The following NMNAT3 variants were observed in gnomAD, a reference collection of about 807,000 sequenced individuals.
NMNAT3 encodes nicotinamide/nicotinic acid mononucleotide adenylyltransferase 3.
Under a neutral mutation model 24.8 loss-of-function variants are expected in NMNAT3, and 21 were observed. The observed-to-expected ratio is 0.85, with a 90% CI of 0.60 to 1.22. The LOEUF (loss-of-function observed/expected upper bound fraction) is 1.22. NMNAT3 is among the 50% of genes most tolerant of loss of function. NMNAT3 has a pLI of 0.00. For synonymous variants in NMNAT3, 136 were observed against 155.2 expected (o/e 0.88, Z 0.92); for missense variants, 387 against 436.6 (o/e 0.89, Z 1.01).
intron 1 of NMNAT3, among the ~76,000 whole-genome samples, chr3:139,649,434 A>G (rs1284805176): frequency 6.6e-6 from 1 of 152,246 alleles, no homozygotes; most frequent in African/African-American, 2.4e-5. Flanking sequence ...GTAAGTAGCC[A>G]AAGTCTGAGG....
At chr3:139,563,079 C>T (rs577738091) in intron 6 of NMNAT3, among the ~76,000 whole-genome samples, 1 of 152,340 alleles carries the variant, frequency 6.6e-6, no homozygotes, top group Admixed American at 6.5e-5. Flanking sequence ...TTATCTACCA[C>T]TCTATTCATA....
At chr3:139,561,743 TAGAAGGTAAGGTTCTGA>T (rs1936430034) in intron 6 of NMNAT3, among the ~76,000 whole-genome samples, 2 of 152,156 alleles carry the variant, frequency 1.3e-5, no homozygotes, top group African/African-American at 4.8e-5. Flanking sequence ...TGTCTTCTGA[TAGAAGGTAAGGTTCTGA>T]AAGCTCTGAG....
At chr3:139,641,699 T>C (rs988364886) in intron 1 of NMNAT3, among the ~76,000 whole-genome samples, 4 of 152,152 alleles carry the variant, frequency 2.6e-5, no homozygotes, top group Non-Finnish European at 5.9e-5. Flanking sequence ...ACTCAATAAA[T>C]AAAATAATAA....
At chr3:139,582,254 G>A (rs1395198568) in intron 4 of NMNAT3, among the ~76,000 whole-genome samples, 1 of 133,856 alleles carries the variant, frequency 7.5e-6, no homozygotes, top group Admixed American at 7.4e-5. Flanking sequence ...CAAAAGAGAA[G>A]ATCTAACTTC....
chr3:139,619,264 A>G (rs2055651041), intron 3 of NMNAT3, among the ~76,000 whole-genome samples: 1 of 152,188 alleles, frequency 6.6e-6, no homozygotes, highest in African/African-American at 2.4e-5. Flanking sequence ...CCCAATGTAC[A>G]ACACTAACAT....
intron 1 of NMNAT3, among the ~76,000 whole-genome samples, chr3:139,648,065 T>A (rs75674901): frequency 2.0e-5 from 3 of 152,172 alleles, no homozygotes; most frequent in African/African-American, 7.2e-5. Flanking sequence ...CCCACCCACA[T>A]CTTATCTTGA....
At chr3:139,570,241 C>T (rs1937967066) in intron 6 of NMNAT3, 2 of 152,132 alleles carry the variant, frequency 1.3e-5, no homozygotes, top group South Asian at 2.1e-4. Flanking sequence ...GTTATCCATT[C>T]GTCTAAATTT....
At chr3:139,605,040 A>G (rs143723550) in intron 3 of NMNAT3, among the ~76,000 whole-genome samples, 75 of 151,842 alleles carry the variant, frequency 4.9e-4, no homozygotes, top group African/African-American at 1.7e-3. Flanking sequence ...TCCTTATCCC[A>G]TAACTTATCA....
intron 1 of NMNAT3, among the ~76,000 whole-genome samples, chr3:139,643,747 T>C (rs1036195974): frequency 2.0e-5 from 3 of 152,190 alleles, no homozygotes; most frequent in Non-Finnish European, 4.4e-5. Context: ...GGAACACTTA[T>C]TGTTTAATAG....
intron 6 of NMNAT3, chr3:139,566,254 G>A (rs1336408061): frequency 5.3e-5 from 8 of 151,706 alleles, no homozygotes; most frequent in Non-Finnish European, 1.0e-4. Context: ...TGTAGATTCT[G>A]GATATTAGCC....
intron 3 of NMNAT3, among the ~76,000 whole-genome samples, chr3:139,603,770 T>C (rs1036610806): frequency 3.3e-5 from 5 of 152,080 alleles, no homozygotes; most frequent in Non-Finnish European, 5.9e-5. Context: ...ACTGCCATGA[T>C]CTGTACTACC....
chr3:139,592,285 A>G (rs1384155685), intron 3 of NMNAT3, among the ~76,000 whole-genome samples: 1 of 152,334 alleles, frequency 6.6e-6, no homozygotes, highest in Non-Finnish European at 1.5e-5. Context: ...AATAAAAAGA[A>G]ATGAGCAAAG....
chr3:139,606,393 C>G (rs1002923955), intron 3 of NMNAT3, among the ~76,000 whole-genome samples: 1 of 152,168 alleles, frequency 6.6e-6, no homozygotes, highest in Admixed American at 6.6e-5. Flanking sequence ...AGAACTGATG[C>G]TGTGCTCTTC....
chr3:139,595,517 A>G (rs1477646100), intron 3 of NMNAT3, among the ~76,000 whole-genome samples: 1 of 152,268 alleles, frequency 6.6e-6, no homozygotes, highest in Non-Finnish European at 1.5e-5. Flanking sequence ...ATCCTAAGCC[A>G]AAAGAAGAAA....
chr3:139,631,929 T>C (rs11713220), intron 2 of NMNAT3, among the ~76,000 whole-genome samples: 8,692 of 152,240 alleles, frequency 0.057, 489 homozygotes, highest in East Asian at 0.26. Context: ...AAGTGGAAGA[T>C]AATATCTTAG....
Position 139,639,918 on chromosome 3 carries a change from G to GT in NMNAT3, c.-140-1857dup, listed in dbSNP as rs2056641051. Among the ~76,000 whole-genome samples, 3 of 152,160 alleles carry GT rather than the reference G, an allele frequency of 2.0e-5. No homozygotes were observed. In the South Asian group the frequency reaches 6.2e-4, roughly 32 times the overall value. On this transcript the variant is annotated intron_variant, in intron 1 of 6. Transcript: ENST00000643695. Reference sequence around the variant, plus strand: ...GAAAGATGCTGAGGAGATACTAGAGGTCATGAGGCCCTGACCACACTCCTT... The same window carrying GT: ...GAAAGATGCTGAGGAGATACTAGAGGTTCATGAGGCCCTGACCACACTCCTT...
intron 3 of NMNAT3, among the ~76,000 whole-genome samples, chr3:139,588,365 C>T (rs2054026680): frequency 6.6e-6 from 1 of 152,108 alleles, no homozygotes; most frequent in Non-Finnish European, 1.5e-5. Flanking sequence ...AGACAGAATT[C>T]CTTGTTTATC....
chr3:139,635,450 A>T (rs2056465984), intron 2 of NMNAT3: 1 of 152,238 alleles, frequency 6.6e-6, no homozygotes, highest in Non-Finnish European at 1.5e-5. Context: ...AGACAGTCTA[A>T]TATCATTCTG....
chr3:139,583,170 G>A lies in NMNAT3; in HGVS notation c.148C>T (p.Pro50Ser). Reference sequence around the variant, plus strand: ...TTTATTGAGATAGACTGAGGTCCAGGAAAAACAAGTGCAACTTCATGGTCC... The same window carrying A: ...TTTATTGAGATAGACTGAGGTCCAGAAAAAACAAGTGCAACTTCATGGTCC... The change falls in exon 4 of 7, where the codon CCT becomes TCT. Residue 50 changes from proline (P) to serine (S), a missense_variant. This residue lies in a region of NMNAT3 where 13 missense variants were observed against 35.8 expected (regional missense o/e 0.36). Transcript: ENST00000643695. 7.7e-7 allele frequency: 1 copy of A among 1,295,574 alleles called. No individual in the cohort carries two copies. Among genetic ancestry groups the A allele is most frequent in the Admixed American group, 1.8e-5 (1 of 55,224 alleles). 80.3% of individuals were successfully genotyped at this position (1,295,574 alleles called of 1,614,324 possible).
Sources: allele counts gnomAD v4.1 joint callset (sites outside exome capture counted in the v4.1 genomes callset), GRCh38; gene constraint gnomAD v4.1.1; regional missense constraint gnomAD v4.1.1; transcripts MANE v1.5; gene names NCBI Gene and HGNC (gene_info 2026-07-23, HGNC 2026-07-21).